Variants in NFX1 observed in about 807,000 individuals in gnomAD.
The protein encoded by NFX1 is nuclear transcription factor, X-box binding 1, also known as transcriptional repressor NF-X1.
A neutral mutation model predicts 137.2 loss-of-function variants in NFX1; 69 were observed. The ratio of observed to expected loss-of-function variants is 0.50; its 90% CI spans 0.41 to 0.61. The LOEUF (loss-of-function observed/expected upper bound fraction) is 0.61, where lower values mean the gene tolerates loss of function less well. Among genes scored for constraint, NFX1 ranks in the 20% least tolerant of loss-of-function variants. The pLI is 0.00. For synonymous variants in NFX1, 495 were observed against 474.1 expected, an observed-to-expected ratio of 1.04 and a Z score of -0.57; for missense variants, 1,167 against 1,391.0, an observed-to-expected ratio of 0.84 and a Z score of 2.56.
intron 18 of NFX1, 96 bp from the exon 19 acceptor site, chr9:33,354,755 C>A: frequency 2.5e-6 from 3 of 1,178,146 alleles, no homozygotes; most frequent in Non-Finnish European, 3.5e-6. Context: ...CAAGAGTCAG[C>A]TGTGCTTCCA....
At chr9:33,318,268 GGGTTGAAGTGA>G (rs745813302) in intron 7 of NFX1, among the ~76,000 whole-genome samples, 4 of 152,100 alleles carry the variant, frequency 2.6e-5, no homozygotes, top group Non-Finnish European at 5.9e-5. Flanking sequence ...TGTGCTTCTT[GGGTTGAAGTGA>G]GGATGGGAAA....
intron 12 of NFX1, among the ~76,000 whole-genome samples, chr9:33,340,845 TGC>T (rs1823194366): frequency 1.3e-5 from 2 of 152,220 alleles, no homozygotes; most frequent in African/African-American, 4.8e-5. Context: ...GAGTCACCTT[TGC>T]TCCAGTTCCC....
chr9:33,325,955 T>C (rs1331765289), intron 9 of NFX1, among the ~76,000 whole-genome samples: 1 of 152,170 alleles, frequency 6.6e-6, no homozygotes, highest in Non-Finnish European at 1.5e-5. Flanking sequence ...TAAAATAATA[T>C]GTATAAAATT....
chr9:33,356,805 T>G (rs1268503489), intron 19 of NFX1, among the ~76,000 whole-genome samples: 1 of 151,974 alleles, frequency 6.6e-6, no homozygotes, highest in Admixed American at 6.6e-5. Context: ...CCTGGGCAAC[T>G]TGGCAAAACC....
chr9:33,332,874 C>T (rs1220312021), intron 11 of NFX1, among the ~76,000 whole-genome samples: 1 of 152,216 alleles, frequency 6.6e-6, no homozygotes, highest in Non-Finnish European at 1.5e-5. Context: ...GAGACGGAGT[C>T]TCGCTCTGTT....
At chr9:33,298,431 G>A (rs1427221912) in intron 2 of NFX1, among the ~76,000 whole-genome samples, 1 of 152,186 alleles carries the variant, frequency 6.6e-6, no homozygotes, top group East Asian at 1.9e-4. Context: ...AGTAAGATGA[G>A]AGGCTGCTGG....
Position 33,361,372 on chromosome 9 carries a change from A to G in NFX1, c.2874-2638A>G, listed in dbSNP as rs188791877. Among the ~76,000 whole-genome samples, 1,030 of 152,294 alleles carry G rather than the reference A, an allele frequency of 6.8e-3. 11 individuals carry two copies. The highest frequency in any genetic ancestry group is 1.0e-2 in the Non-Finnish European group (680 of 68,024). ...TGGTAATACAGCATGATGTGTATGTATACATTGTGGAATGGCTAAATCAAG... is the reference window on the plus strand; with the variant it reads ...TGGTAATACAGCATGATGTGTATGTGTACATTGTGGAATGGCTAAATCAAG... On this transcript the variant is annotated intron_variant, in intron 19 of 23. Transcript: ENST00000379540.
intron 1 of NFX1, among the ~76,000 whole-genome samples, chr9:33,291,730 C>T (rs985088921): frequency 2.6e-5 from 4 of 152,146 alleles, no homozygotes; most frequent in African/African-American, 4.8e-5. Flanking sequence ...GGTGAAACCC[C>T]GTCTCTACTA....
intron 12 of NFX1, 38 bp from the exon 13 acceptor site, chr9:33,342,705 TGAA>T (rs1421931963): frequency 7.4e-6 from 10 of 1,360,316 alleles, no homozygotes; most frequent in African/African-American, 1.5e-5. Context: ...AAATATAAAA[TGAA>T]GACCATTTTA....
intron 2 of NFX1, among the ~76,000 whole-genome samples, chr9:33,298,756 C>T (rs1393600279): frequency 6.6e-6 from 1 of 152,038 alleles, no homozygotes; most frequent in Non-Finnish European, 1.5e-5. Flanking sequence ...TGCACTCTAG[C>T]CTGGGTGACA....
chr9:33,343,393 A>G (rs1390077886), intron 13 of NFX1, among the ~76,000 whole-genome samples: 1 of 152,180 alleles, frequency 6.6e-6, no homozygotes, highest in Non-Finnish European at 1.5e-5. Flanking sequence ...AGAATAGCGG[A>G]TACTTGGTTT....
At chr9:33,335,935 G>A (rs191785790) in intron 11 of NFX1, among the ~76,000 whole-genome samples, 144 of 152,194 alleles carry the variant, frequency 9.5e-4, no homozygotes, top group African/African-American at 3.2e-3. Flanking sequence ...CCATTCACTG[G>A]TTGATGGATA....
chr9:33,294,806 A>G lies in NFX1; in HGVS notation c.412A>G (p.Thr138Ala). ...TSDTAGLESSTRSESGTDLRE... is the reference protein window; with the variant it reads ...TSDTAGLESSARSESGTDLRE... Reference sequence around the variant, plus strand: ...AGATACAGCTGGATTAGAGAGCTCGACCAGATCAGAGAGTGGGACAGACCT... The same window carrying G: ...AGATACAGCTGGATTAGAGAGCTCGGCCAGATCAGAGAGTGGGACAGACCT... The change falls in exon 2 of 24, where the codon ACC (threonine) becomes GCC (alanine). Residue 138 changes from threonine (T) to alanine (A), a missense_variant. Around this residue, in one of 3 missense-constraint regions of NFX1, gnomAD observed 367 missense variants for 386.7 expected, o/e 0.95. Transcript: ENST00000379540. 6.2e-7 allele frequency: 1 copy of G among 1,614,122 alleles called. No individual in the cohort carries two copies. The highest frequency in any genetic ancestry group is 8.5e-7 in the Non-Finnish European group (1 of 1,180,034).
At chr9:33,295,684 A>G (rs1327138251) in intron 2 of NFX1, among the ~76,000 whole-genome samples, 2 of 152,212 alleles carry the variant, frequency 1.3e-5, no homozygotes, top group African/African-American at 2.4e-5. Context: ...GAATTTTGTA[A>G]GGGTTTTCAA....
chr9:33,290,709 G>A, intron 1 of NFX1, 112 bp downstream of exon 1: 1 of 1,066,272 alleles, frequency 9.4e-7, no homozygotes, highest in Non-Finnish European at 1.3e-6. Flanking sequence ...ACATGCTAGG[G>A]CGTAGGATAG....
intron 2 of NFX1, among the ~76,000 whole-genome samples, chr9:33,297,786 A>G (rs1201347431): frequency 6.6e-6 from 1 of 152,158 alleles, no homozygotes; most frequent in Non-Finnish European, 1.5e-5. Flanking sequence ...GCCTGCGGGA[A>G]AGCAGCTGCT....
chr9:33,319,066 C>G lies in NFX1; in HGVS notation c.1845C>G (p.Cys615Trp). ...TTGGAAGTAGTAGTCGGAAAACATG[C>G]ATGGACCCTGTGCCTTCATGTGGAA... is the stretch of plus-strand genomic sequence containing the variant. ...LELGSSSRKT[C>W]MDPVPSCGKV... The change falls in exon 9 of 24, where the codon TGC (cysteine) becomes TGG (tryptophan). Residue 615 changes from cysteine (C) to tryptophan (W), a missense_variant. By Grantham distance (215) the Cys-to-Trp change is radical. Around this residue, in one of 3 missense-constraint regions of NFX1, gnomAD observed 488 missense variants for 691.5 expected, o/e 0.71. Transcript: ENST00000379540. 1 of 1,614,194 alleles carries G rather than the reference C, an allele frequency of 6.2e-7. No homozygotes were observed. Among genetic ancestry groups the G allele is most frequent in the Admixed American group, 1.7e-5 (1 of 60,018 alleles).
chr9:33,358,172 T>C (rs188341712), intron 19 of NFX1, among the ~76,000 whole-genome samples: 26 of 152,286 alleles, frequency 1.7e-4, no homozygotes, highest in African/African-American at 6.3e-4. Context: ...TTTCCCAGGC[T>C]GGAGTGCAAT....
intron 9 of NFX1, among the ~76,000 whole-genome samples, chr9:33,325,355 C>T (rs1043349271): frequency 2.6e-4 from 40 of 152,216 alleles, no homozygotes; most frequent in African/African-American, 8.7e-4. Flanking sequence ...ATGACATATT[C>T]AAAGTGCTGA....
Sources: allele counts gnomAD v4.1 joint callset (sites outside exome capture counted in the v4.1 genomes callset), GRCh38; gene constraint gnomAD v4.1.1; regional missense constraint gnomAD v4.1.1; transcripts MANE v1.5; gene names NCBI Gene and HGNC (gene_info 2026-07-23, HGNC 2026-07-21).